Variants in NCR1 observed in about 807,000 individuals in gnomAD.
NCR1 encodes the protein natural cytotoxicity triggering receptor 1, also known as NK cell-activating receptor.
In NCR1, 30 loss-of-function variants were observed where a neutral mutation model predicts 32.5. The observed-to-expected ratio is 0.92, with a 90% CI of 0.69 to 1.25. The LOEUF (loss-of-function observed/expected upper bound fraction) is 1.25, where lower values mean the gene tolerates loss of function less well. Ranked by LOEUF, NCR1 falls within the 50% of genes most tolerant of loss-of-function variation. NCR1 has a pLI of 0.00. For missense variants in NCR1, 369 were observed against 380.7 expected (o/e 0.97, Z 0.26); for synonymous variants, 169 against 143.4 (o/e 1.18, Z -1.28).
At chr19:54,923,413 T>G in the NCR1 span, 1 of 410,554 alleles carries the variant, frequency 2.4e-6, no homozygotes, top group Non-Finnish European at 4.5e-6. Flanking sequence ...ATCAACCGAA[T>G]CATCCCTGAA....
At position 54,909,417 on chromosome 19, in the gene NCR1, C is replaced by T. The variant is rs1191058334; in HGVS notation, c.528C>T (p.Pro176=). 3.1e-6 allele frequency: 5 copies of T among 1,613,674 alleles called. No individual in the cohort carries two copies. Among genetic ancestry groups the T allele is most frequent in the Non-Finnish European group, 4.2e-6 (5 of 1,180,044 alleles). The change falls in exon 4 of 7, where the codon CCC becomes CCT. Residue 176 remains proline, a synonymous_variant. Coordinates refer to ENST00000291890, the MANE Select transcript of NCR1 (RefSeq NM_004829.7). The part of the protein sequence containing the change: ...RGYGKVQAEF[P]LGPVTTAHRG... Reference sequence around the variant, plus strand: ...ACGGGAAGGTCCAGGCGGAGTTCCCCCTGGGCCCTGTGACCACAGCCCACA... The same window carrying T: ...ACGGGAAGGTCCAGGCGGAGTTCCCTCTGGGCCCTGTGACCACAGCCCACA...
chr19:54,916,317 C>CTTTTTTTGTTTTTTTTTTTTTTTTTTTTT (rs2068131101), downstream of NCR1, among the ~76,000 whole-genome samples: 1 of 87,124 alleles, frequency 1.1e-5, no homozygotes, highest in Admixed American at 1.3e-4. Context: ...GAATATTGTG[C>CTTTTTTTGTTTTTTTTTTTTTTTTTTTTT]TTTTTTTTTT....
At chr19:54,917,511 G>A (rs909910208), downstream of NCR1, among the ~76,000 whole-genome samples, 1 of 151,938 alleles carries the variant, frequency 6.6e-6, no homozygotes, top group Non-Finnish European at 1.5e-5. Context: ...GTGGAGATGG[G>A]GGTTTTACCA....
At chr19:54,936,025 G>A in the NCR1 span, among the ~76,000 whole-genome samples, 4 of 152,146 alleles carry the variant, frequency 2.6e-5, no homozygotes, top group East Asian at 7.7e-4. Flanking sequence ...TGTCCCTAAA[G>A]CTGGAACCCA....
intron 3 of NCR1, 79 bp downstream of exon 3, chr19:54,906,886 C>T (rs1287006819): frequency 5.3e-6 from 8 of 1,511,110 alleles, no homozygotes; most frequent in Non-Finnish European, 6.3e-6. Flanking sequence ...CTCTTCCAAG[C>T]CCCACTCAGA....
At chr19:54,931,804 C>T in the NCR1 span, among the ~76,000 whole-genome samples, 1 of 150,608 alleles carries the variant, frequency 6.6e-6, no homozygotes, top group Admixed American at 6.6e-5. Context: ...GAGCCAAGAT[C>T]GCACCACTGC....
At chr19:54,934,539 C>A in the NCR1 span, 1 of 1,614,172 alleles carries the variant, frequency 6.2e-7, no homozygotes, top group Non-Finnish European at 8.5e-7. The surrounding 1 kb of genome is among the most constrained non-coding windows in gnomAD (Gnocchi z 6.7). Flanking sequence ...TGTACAGCAA[C>A]ATGGCACCCT....
chr19:54,927,830 G>T, the NCR1 span: 2 of 1,493,780 alleles, frequency 1.3e-6, no homozygotes, highest in Non-Finnish European at 1.9e-6. Context: ...AGTGGCTCAA[G>T]CGTGTAATCC....
chr19:54,909,934 CAAAAA>C (rs11345154), intron 4 of NCR1, 79 bp from the exon 5 acceptor site: 435 of 610,480 alleles, frequency 7.1e-4, no homozygotes, highest in Middle Eastern at 1.2e-3. Flanking sequence ...GACTCCATCT[CAAAAA>C]AAAAAAAAAA....
the NCR1 span, among the ~76,000 whole-genome samples, chr19:54,899,967 A>G: frequency 2.6e-4 from 40 of 152,198 alleles, no homozygotes; most frequent in African/African-American, 9.1e-4. Flanking sequence ...GAGATTGAAG[A>G]GTGGAAAGGA....
In NCR1 at chr19:54,910,070, G is replaced by T; in HGVS notation, c.682+5G>T. The T allele has an allele frequency of 6.2e-7, 1 of 1,613,522 alleles. No homozygotes were observed. Among genetic ancestry groups the T allele is most frequent in the Non-Finnish European group, 8.5e-7 (1 of 1,179,702 alleles). ...CTGAAGACCCCACCTTTCCTGGTGA[G>T]TAACTGGTCCTTCTAAGCTCAGACG... On this transcript the variant is annotated splice_donor_5th_base_variant and intron_variant, in intron 5 of 6. Coordinates refer to ENST00000291890, the MANE Select transcript of NCR1 (RefSeq NM_004829.7).
downstream of NCR1, among the ~76,000 whole-genome samples, chr19:54,920,821 C>T (rs531406763): frequency 5.4e-3 from 815 of 152,224 alleles, 5 homozygotes; most frequent in African/African-American, 0.018. Flanking sequence ...CCACCACCAT[C>T]TTGGCTGGGC....
intron 3 of NCR1, 103 bp downstream of exon 3, chr19:54,906,910 G>T: frequency 7.2e-7 from 1 of 1,379,562 alleles, no homozygotes; most frequent in Non-Finnish European, 9.9e-7. Flanking sequence ...TGCTTGTCTC[G>T]GTAGGAGGCT....
intron 3 of NCR1, among the ~76,000 whole-genome samples, chr19:54,907,622 C>G (rs747532076): frequency 6.6e-6 from 1 of 151,340 alleles, no homozygotes; most frequent in Non-Finnish European, 1.5e-5. Context: ...ATGAGCAATA[C>G]TTTGTGCTAG....
intron 3 of NCR1, 51 bp downstream of exon 3, chr19:54,906,858 T>C (rs1178748571): frequency 1.3e-6 from 2 of 1,594,856 alleles, no homozygotes; most frequent in South Asian, 2.2e-5. Context: ...GCATCCGGGA[T>C]GCAGCATCAT....
At chr19:54,929,237 T>TGCAC in the NCR1 span, among the ~76,000 whole-genome samples, 1 of 151,876 alleles carries the variant, frequency 6.6e-6, no homozygotes. Context: ...GGTATGGTGG[T>TGCAC]GCACGCCTGT....
At chr19:54,903,432 A>C (rs960631198), upstream of NCR1, among the ~76,000 whole-genome samples, 1 of 132,734 alleles carries the variant, frequency 7.5e-6, no homozygotes, top group African/African-American at 2.8e-5. Context: ...GTATGTATAC[A>C]CGCATACATG....
At chr19:54,898,198 CAG>C in the NCR1 span, among the ~76,000 whole-genome samples, 1 of 152,180 alleles carries the variant, frequency 6.6e-6, no homozygotes, top group African/African-American at 2.4e-5. Context: ...AGCCTTGGGC[CAG>C]AGTTCTAGCT....
Position 54,912,670 on chromosome 19 carries a change from C to G in NCR1, c.734-20C>G. ...GTCCTTACATCCCTGTCAGCGATCACCCTGTTCTCCTGCCTACAGACCATG... is the reference window on the plus strand; with the variant it reads ...GTCCTTACATCCCTGTCAGCGATCAGCCTGTTCTCCTGCCTACAGACCATG... On this transcript the variant is annotated intron_variant, in intron 6 of 6. Transcript: ENST00000291890. The G allele has an allele frequency of 1.3e-6, 2 of 1,546,318 alleles. No homozygotes were observed. Among genetic ancestry groups the G allele is most frequent in the Non-Finnish European group, 1.8e-6 (2 of 1,131,024 alleles).
Sources: gnomAD v4.1 joint callset for allele counts (sites outside exome capture counted in the v4.1 genomes callset) on GRCh38, gnomAD v4.1.1 for gene constraint, Gnocchi (gnomAD v3.1) non-coding constraint, MANE v1.5 for transcripts, NCBI Gene and HGNC (gene_info 2026-07-23, HGNC 2026-07-21) for gene names.